Variants in OSBPL10 observed in about 807,000 individuals in gnomAD.
OSBPL10 encodes oxysterol binding protein like 10, also known as oxysterol-binding protein-related protein 10.
OSBPL10 carries 49 observed loss-of-function variants against 81.7 expected under a neutral mutation model. The observed-to-expected ratio is 0.60, with a 90% CI of 0.48 to 0.76. The LOEUF is 0.76. OSBPL10 is among the 30% of genes least tolerant of loss of function. The pLI is 0.00. For missense variants in OSBPL10, 923 were observed against 987.8 expected (o/e 0.93, Z 0.88); for synonymous variants, 419 against 383.6 (o/e 1.09, Z -1.08).
At chr3:31,860,080 G>A (rs556521871) in intron 3 of OSBPL10, among the ~76,000 whole-genome samples, 1 of 152,274 alleles carries the variant, frequency 6.6e-6, no homozygotes, top group African/African-American at 2.4e-5. Flanking sequence ...GCGCACATTG[G>A]AACCAGCCCT....
intron 5 of OSBPL10, among the ~76,000 whole-genome samples, chr3:31,735,983 T>C (rs1421286259): frequency 6.6e-6 from 1 of 152,132 alleles, no homozygotes; most frequent in East Asian, 1.9e-4. Flanking sequence ...ACGCTCAGTA[T>C]GAATGTGCTG....
chr3:31,794,575 C>A, intron 4 of OSBPL10: 1 of 365,882 alleles, frequency 2.7e-6, no homozygotes. Context: ...TAGTGAGGTT[C>A]AGAGATGCCT....
rs1357783101 is a variant in OSBPL10 at position 31,878,814 on chromosome 3, CATGTGTGTGTGT to C, written c.457+829_457+840del. 5.5e-3 allele frequency among the ~76,000 whole-genome samples: 578 copies of C among 104,822 alleles called. 1 individual carries two copies. The highest frequency in any genetic ancestry group is 0.016 in the African/African-American group (514 of 31,784). The allele number at this position is 104,822 out of a possible 152,430, so 68.8% of individuals were successfully genotyped here. A position where few individuals can be genotyped will look rare whatever the true frequency, so the allele number is the denominator to read the frequency against. On this transcript the variant is annotated intron_variant, in intron 2 of 11. Coordinates refer to ENST00000396556, the MANE Select transcript of OSBPL10 (RefSeq NM_017784.5). ...ATAAATAATATAGACTCTGCGTGTC[CATGTGTGTGTGT>C]GTGTGTGTGTGTGTGTGTGTGTGCA... is the stretch of plus-strand genomic sequence containing the variant.
At chr3:31,708,010 G>A (rs1249923999) in intron 6 of OSBPL10, among the ~76,000 whole-genome samples, 1 of 152,176 alleles carries the variant, frequency 6.6e-6, no homozygotes, top group East Asian at 1.9e-4. Flanking sequence ...TGATTTTACA[G>A]AAGAGAAACA....
At chr3:31,971,115 T>A (rs1011710063) in intron 1 of OSBPL10, among the ~76,000 whole-genome samples, 4 of 144,200 alleles carry the variant, frequency 2.8e-5, no homozygotes, top group Admixed American at 2.1e-4. Context: ...GTTGGTTTTT[T>A]TTTTCTGTTT....
chr3:31,788,649 A>G (rs1015691915), intron 4 of OSBPL10, among the ~76,000 whole-genome samples: 1 of 152,176 alleles, frequency 6.6e-6, no homozygotes, highest in African/African-American at 2.4e-5. Flanking sequence ...GTGGTGGTGT[A>G]CACCTGTAGT....
intron 10 of OSBPL10, among the ~76,000 whole-genome samples, chr3:31,667,516 T>C (rs574275033): frequency 1.3e-5 from 2 of 152,252 alleles, no homozygotes; most frequent in Non-Finnish European, 2.9e-5. Context: ...TTACAAGAAC[T>C]GTTTCTATTT....
chr3:31,894,802 CAAGAG>C (rs1192737077), intron 1 of OSBPL10, among the ~76,000 whole-genome samples: 21 of 152,234 alleles, frequency 1.4e-4, no homozygotes, highest in Admixed American at 2.6e-4. Flanking sequence ...CCTTCTCTCT[CAAGAG>C]AACGCTAGTT....
At chr3:31,989,269 G>C (rs1017943468) in intron 2 of OSBPL10, 2 of 1,614,146 alleles carry the variant, frequency 1.2e-6, no homozygotes, top group Admixed American at 3.3e-5. Flanking sequence ...GCATTCTGTG[G>C]ATATCTCTTC....
chr3:31,965,791 AGATATATTATCTATT>A, intron 1 of OSBPL10, among the ~76,000 whole-genome samples: 1 of 77,542 alleles, frequency 1.3e-5, no homozygotes, highest in African/African-American at 6.3e-5. Flanking sequence ...TAAATAGATA[AGATATATTATCTATT>A]TATATAATAT....
chr3:32,053,559 A>G (rs1294815595), intron 1 of OSBPL10, among the ~76,000 whole-genome samples: 1 of 152,234 alleles, frequency 6.6e-6, no homozygotes, highest in Non-Finnish European at 1.5e-5. Flanking sequence ...ATGGTCAGAC[A>G]TTAAAATTGG....
At chr3:32,009,521 A>C (rs996677780) in intron 2 of OSBPL10, among the ~76,000 whole-genome samples, 1 of 152,220 alleles carries the variant, frequency 6.6e-6, no homozygotes, top group Non-Finnish European at 1.5e-5. Context: ...TGCATTTCCA[A>C]GTTAAGTGCT....
At chr3:31,830,352 T>C in intron 3 of OSBPL10, 121 bp from the exon 4 acceptor site, 2 of 1,026,654 alleles carry the variant, frequency 1.9e-6, no homozygotes, top group Non-Finnish European at 2.8e-6. Flanking sequence ...GAGCTGAAGG[T>C]ATGAAGGAGG....
At chr3:31,842,920 G>A (rs1191732545) in intron 3 of OSBPL10, among the ~76,000 whole-genome samples, 1 of 152,158 alleles carries the variant, frequency 6.6e-6, no homozygotes, top group East Asian at 1.9e-4. Context: ...TATCATTTGG[G>A]GATATTCCTA....
rs181980138 is a variant in OSBPL10, at chr3:31,720,009, T to C, written c.1095+13248A>G. Among the ~76,000 whole-genome samples the C allele has an allele frequency of 5.3e-5, 8 of 150,318 alleles. No individual in the cohort carries two copies. The East Asian group carries it at 1.6e-3, about 29-fold the overall frequency. The stretch of plus-strand genomic sequence containing the variant: ...TTGAAAAGCCATAGAACATTACTCA[T>C]ACTGTGATTCCACTGGTATAAAAAA... On this transcript the variant is annotated intron_variant, in intron 6 of 11. Transcript: ENST00000396556.
At chr3:31,948,623 A>G (rs1022654692) in intron 1 of OSBPL10, among the ~76,000 whole-genome samples, 5 of 152,186 alleles carry the variant, frequency 3.3e-5, no homozygotes, top group Non-Finnish European at 1.5e-5. Context: ...ATAAAGTTTC[A>G]CGTTTTACTT....
At chr3:31,880,445 AAAG>A (rs147015079) in intron 1 of OSBPL10, among the ~76,000 whole-genome samples, 3,386 of 152,304 alleles carry the variant, frequency 0.022, 120 homozygotes, top group African/African-American at 0.077. Context: ...ATCCATGGTA[AAAG>A]AAGAAGAACT....
chr3:31,911,299 T>C (rs913067723), intron 1 of OSBPL10, among the ~76,000 whole-genome samples: 5 of 152,174 alleles, frequency 3.3e-5, no homozygotes, highest in Non-Finnish European at 7.3e-5. Flanking sequence ...CAAATGGGCA[T>C]GACTGTGTCC....
intron 4 of OSBPL10, among the ~76,000 whole-genome samples, chr3:31,804,218 A>T (rs925440856): frequency 4.6e-5 from 7 of 152,166 alleles, no homozygotes; most frequent in African/African-American, 1.4e-4. Flanking sequence ...TCATCCTATT[A>T]TTTATATCAA....
Sources: gnomAD v4.1 joint callset for allele counts (sites outside exome capture counted in the v4.1 genomes callset) on GRCh38, gnomAD v4.1.1 for gene constraint, MANE v1.5 for transcripts, NCBI Gene and HGNC (gene_info 2026-07-23, HGNC 2026-07-21) for gene names.